Variants in RYR2 observed in about 807,000 individuals in gnomAD.
The protein encoded by RYR2 is ryanodine receptor 2, also known as cardiac muscle ryanodine receptor-calcium release channel.
RYR2 carries 227 observed loss-of-function variants against 601.1 expected under a neutral mutation model. The ratio of observed to expected loss-of-function variants is 0.38; its 90% CI spans 0.34 to 0.42. RYR2 has a LOEUF of 0.42. Ranked by LOEUF, RYR2 falls within the 10% of genes least tolerant of loss-of-function variation. The pLI is 1.00. For missense variants in RYR2, 4,646 were observed against 6,156.5 expected, an observed-to-expected ratio of 0.75 and a Z score of 8.21; for synonymous variants, 2,223 against 2,175.1, an observed-to-expected ratio of 1.02 and a Z score of -0.61.
chr1:237,731,733 A>G (rs1279211062), intron 77 of RYR2, among the ~76,000 whole-genome samples: 3 of 152,156 alleles, frequency 2.0e-5, no homozygotes, highest in Admixed American at 6.6e-5. Context: ...TAATTTTACA[A>G]TGGTAATGTA....
intron 2 of RYR2, among the ~76,000 whole-genome samples, chr1:237,292,996 T>C (rs1692396755): frequency 6.6e-6 from 1 of 152,070 alleles, no homozygotes; most frequent in Non-Finnish European, 1.5e-5. Flanking sequence ...AAAAAGTCTT[T>C]TTTTTCTCTT....
intron 2 of RYR2, among the ~76,000 whole-genome samples, chr1:237,276,479 A>G (rs1015838652): frequency 6.6e-6 from 1 of 152,214 alleles, no homozygotes; most frequent in Non-Finnish European, 1.5e-5. Flanking sequence ...AGAACAACAA[A>G]GCAAAATAAA....
intron 1 of RYR2, among the ~76,000 whole-genome samples, chr1:237,044,978 A>G (rs1182432096): frequency 6.7e-6 from 1 of 149,930 alleles, no homozygotes; most frequent in Non-Finnish European, 1.5e-5. Flanking sequence ...TTTTAAAGCA[A>G]ATAGCCCAAG....
At position 237,819,107 on chromosome 1, in the gene RYR2, A is replaced by C; in HGVS notation, c.14505A>C (p.Ala4835=). The C allele has an allele frequency of 6.2e-7, 1 of 1,613,754 alleles. No individual in the cohort carries two copies. The highest frequency in any genetic ancestry group is 8.5e-7 in the Non-Finnish European group (1 of 1,179,660). The stretch of plus-strand genomic sequence containing the variant: ...TCGGGGATGAAATCGAAGACCCAGC[A>C]GGAGATGAATATGAGATCTATCGAA... ...GGIGDEIEDP[A]GDEYEIYRII... is the part of the protein sequence containing the mutation. The change falls in exon 101 of 105, where the codon GCA becomes GCC. Residue 4835 remains alanine, a synonymous_variant. Coordinates refer to ENST00000366574, the MANE Select transcript of RYR2 (RefSeq NM_001035.3). The surrounding 1 kb of genome is among the most constrained non-coding windows in gnomAD (Gnocchi z 4.0).
chr1:237,394,520 C>T (rs1310076982), intron 10 of RYR2, among the ~76,000 whole-genome samples: 1 of 152,222 alleles, frequency 6.6e-6, no homozygotes, highest in Non-Finnish European at 1.5e-5. Flanking sequence ...TTAGCACCTG[C>T]CTGCGGCTCA....
chr1:237,459,983 G>C (rs1659287458), intron 16 of RYR2, among the ~76,000 whole-genome samples: 1 of 152,154 alleles, frequency 6.6e-6, no homozygotes, highest in African/African-American at 2.4e-5. Context: ...ACCCAAACTG[G>C]CTTCAAAAAC....
intron 1 of RYR2, among the ~76,000 whole-genome samples, chr1:237,127,314 A>G (rs56236908): frequency 0.85 from 121,356 of 142,374 alleles, 52,245 homozygotes; most frequent in South Asian, 0.97. Context: ...CCTCCCAGAC[A>G]GGGTGGTGGC....
intron 5 of RYR2, among the ~76,000 whole-genome samples, chr1:237,369,243 G>T (rs144127628): frequency 1.3e-4 from 20 of 152,202 alleles, no homozygotes; most frequent in Non-Finnish European, 2.1e-4. Flanking sequence ...ATGGGAAAGA[G>T]ATTATTATTA....
chr1:237,486,143 C>T (rs530833354), intron 17 of RYR2, among the ~76,000 whole-genome samples: 1 of 152,144 alleles, frequency 6.6e-6, no homozygotes, highest in South Asian at 2.1e-4. Flanking sequence ...TATGGATGCA[C>T]GATGGATGAG....
chr1:237,814,257 T>C (rs968088397), intron 100 of RYR2, among the ~76,000 whole-genome samples: 8 of 152,216 alleles, frequency 5.3e-5, no homozygotes, highest in African/African-American at 1.9e-4. Flanking sequence ...CAGCACAGAA[T>C]AGGAAACAAA....
intron 24 of RYR2, among the ~76,000 whole-genome samples, chr1:237,516,153 T>C (rs138069796): frequency 8.5e-5 from 13 of 152,080 alleles, no homozygotes; most frequent in African/African-American, 3.1e-4. Context: ...CTCTGTTGCC[T>C]AGGCTGGAGT....
intron 16 of RYR2, among the ~76,000 whole-genome samples, chr1:237,460,073 G>A (rs2150247431): frequency 6.6e-6 from 1 of 152,240 alleles, no homozygotes; most frequent in Middle Eastern, 3.4e-3. Flanking sequence ...TCCAGAACCA[G>A]CTGCTTTATG....
rs1664881012 is a variant in RYR2, at chr1:237,503,515, T to G, written c.2613+10T>G. On this transcript the variant is annotated intron_variant, in intron 22 of 104. Coordinates refer to ENST00000366574, the MANE Select transcript of RYR2 (RefSeq NM_001035.3). ...TGTGGATACCAGCCAGGTACCAAGA[T>G]CCACTCGAATGGCAATCACTGGTAT... 1.2e-6 allele frequency: 2 copies of G among 1,612,390 alleles called. No individual in the cohort carries two copies. The highest frequency in any genetic ancestry group is 1.7e-6 in the Non-Finnish European group (2 of 1,178,692).
At chr1:237,170,581 A>G (rs975987687) in intron 1 of RYR2, among the ~76,000 whole-genome samples, 1 of 152,200 alleles carries the variant, frequency 6.6e-6, no homozygotes, top group South Asian at 2.1e-4. Context: ...CACTCTCATC[A>G]CAAGTCTTTG....
chr1:237,256,917 A>G (rs1410000814), intron 1 of RYR2, among the ~76,000 whole-genome samples: 1 of 152,180 alleles, frequency 6.6e-6, no homozygotes, highest in African/African-American at 2.4e-5. Flanking sequence ...TTCATGATAT[A>G]GCCAACCTTC....
chr1:237,305,056 C>T (rs1693737545), intron 2 of RYR2, among the ~76,000 whole-genome samples: 1 of 152,128 alleles, frequency 6.6e-6, no homozygotes, highest in Non-Finnish European at 1.5e-5. Context: ...TTCACTCACT[C>T]CTGACGGTAT....
Position 237,473,427 on chromosome 1 carries a change from C to CTTTCTTTCTTTCTT in RYR2, c.1708+4241_1708+4242insTTCTTTCTTTCTTT, listed in dbSNP as rs1553464621. ...CGACAGAACGAGACTCCATCTCTCT[C>CTTTCTTTCTTTCTT]TCTCTCTTTCTTTCTTTCTTTCTTT... On this transcript the variant is annotated intron_variant, in intron 17 of 104. Coordinates refer to ENST00000366574, the MANE Select transcript of RYR2 (RefSeq NM_001035.3). 1.1e-3 allele frequency among the ~76,000 whole-genome samples: 108 copies of CTTTCTTTCTTTCTT among 102,502 alleles called. 10 individuals carry two copies. Among genetic ancestry groups the CTTTCTTTCTTTCTT allele is most frequent in the Non-Finnish European group, 1.1e-3 (62 of 54,338 alleles). The allele number at this position is 102,502 out of a possible 152,430, so 67.2% of individuals were successfully genotyped here.
At chr1:237,149,737 T>G (rs528654405) in intron 1 of RYR2, among the ~76,000 whole-genome samples, 11 of 152,384 alleles carry the variant, frequency 7.2e-5, no homozygotes, top group South Asian at 4.1e-4. Context: ...AACATTAAGA[T>G]ATTTTATAGC....
intron 2 of RYR2, among the ~76,000 whole-genome samples, chr1:237,308,149 G>C (rs1298851748): frequency 6.6e-6 from 1 of 152,174 alleles, no homozygotes; most frequent in African/African-American, 2.4e-5. Flanking sequence ...CCCAGACTTA[G>C]GAGTGTCCAG....
Sources: allele counts gnomAD v4.1 joint callset (sites outside exome capture counted in the v4.1 genomes callset), GRCh38; gene constraint gnomAD v4.1.1; non-coding constraint Gnocchi (gnomAD v3.1); transcripts MANE v1.5; gene names NCBI Gene and HGNC (gene_info 2026-07-23, HGNC 2026-07-21).